Variants in ITGA5 observed in about 807,000 individuals in gnomAD.
ITGA5 encodes integrin subunit alpha 5, also known as integrin alpha-5.
A neutral mutation model predicts 146.3 loss-of-function variants in ITGA5; 55 were observed. The observed-to-expected ratio is 0.38, with a 90% confidence interval of 0.30 to 0.47. The LOEUF (loss-of-function observed/expected upper bound fraction) is 0.47, where lower values mean the gene tolerates loss of function less well. ITGA5 is among the 20% of genes least tolerant of loss of function. ITGA5 has a pLI of 0.99. For synonymous variants in ITGA5, 500 were observed against 531.8 expected, an observed-to-expected ratio of 0.94 and a Z score of 0.82; for missense variants, 1,131 against 1,329.0, an observed-to-expected ratio of 0.85 and a Z score of 2.32.
chr12:54,396,231 T>C lies in ITGA5; in HGVS notation c.*62A>G. Reference sequence around the variant, plus strand: ...TCAAGAAGTACCCAGACCCCTCCTTTTCAGTAGAATGAGGGTGGGGGGACT... The same window carrying C: ...TCAAGAAGTACCCAGACCCCTCCTTCTCAGTAGAATGAGGGTGGGGGGACT... On this transcript the variant is annotated 3_prime_UTR_variant, in exon 30 of 30. Coordinates refer to ENST00000293379, the MANE Select transcript of ITGA5 (RefSeq NM_002205.5). The C allele has an allele frequency of 1.5e-6, 2 of 1,335,370 alleles. No homozygotes were observed. The highest frequency in any genetic ancestry group is 1.1e-6 in the Non-Finnish European group (1 of 928,746). 82.7% of individuals were successfully genotyped at this position (1,335,370 alleles called of 1,614,324 possible). A position where few individuals can be genotyped will look rare whatever the true frequency, so the allele number is the denominator to read the frequency against.
At chr12:54,405,841 G>C (rs751301927) in intron 10 of ITGA5, 29 bp downstream of exon 10, 2 of 1,610,258 alleles carry the variant, frequency 1.2e-6, no homozygotes, top group Non-Finnish European at 1.7e-6. Flanking sequence ...CAGAGGCCAA[G>C]CTGGGGTGGG....
intron 12 of ITGA5, 64 bp from the exon 13 acceptor site, chr12:54,404,958 C>T: frequency 7.4e-7 from 1 of 1,357,730 alleles, no homozygotes; most frequent in Non-Finnish European, 9.9e-7. Flanking sequence ...ATCTCTACTA[C>T]CAGACCCCAG....
In ITGA5 at chr12:54,401,390, C is replaced by A; in HGVS notation, c.2476G>T (p.Val826Phe). 1 of 1,612,438 alleles carries A rather than the reference C, an allele frequency of 6.2e-7. No homozygotes were observed. The highest frequency in any genetic ancestry group is 8.5e-7 in the Non-Finnish European group (1 of 1,178,446). Reference protein sequence around the residue: ...PQKEEDLGPAVHHVYELINQG... With the variant: ...PQKEEDLGPAFHHVYELINQG... ...CCCCTTACCTCATAGACATGGTGGA[C>A]AGCAGGTCCCAGGTCCTCCTCCTTC... The change falls in exon 24 of 30, where the codon GTC becomes TTC. Residue 826 changes from valine to phenylalanine, a missense_variant. Physicochemically the swap from Val to Phe is conservative, Grantham distance 50. Transcript: ENST00000293379. The surrounding 1 kb of genome is among the most constrained non-coding windows in gnomAD (Gnocchi z 5.0).
Position 54,409,461 on chromosome 12 carries a change from C to T in ITGA5, c.462+24G>A, listed in dbSNP as rs747953716. On this transcript the variant is annotated intron_variant, in intron 3 of 29. Coordinates refer to ENST00000293379, the MANE Select transcript of ITGA5 (RefSeq NM_002205.5). This position sits in a 1 kb window ranked among gnomAD's most constrained non-coding sequence, Gnocchi z 4.7. The stretch of plus-strand genomic sequence containing the variant: ...CACTGCCCATCCCCTGGCCACCACA[C>T]CACTGAGCTTGCTGGCCCCTCACCA... 1.9e-6 allele frequency: 3 copies of T among 1,611,490 alleles called. No individual in the cohort carries two copies. In the South Asian group the frequency reaches 3.3e-5, roughly 18 times the overall value.
chr12:54,405,043 G>A (rs1283673911), intron 12 of ITGA5, 123 bp downstream of exon 12: 6 of 1,209,164 alleles, frequency 5.0e-6, no homozygotes, highest in Non-Finnish European at 7.0e-6. Context: ...CAGACAGTGG[G>A]ATTTTAACCC....
At position 54,401,113 on chromosome 12, in the gene ITGA5, A is replaced by C; in HGVS notation, c.2494-118T>G. The C allele has an allele frequency of 9.2e-7, 1 of 1,089,248 alleles. No homozygotes were observed. The highest frequency in any genetic ancestry group is 1.3e-6 in the Non-Finnish European group (1 of 760,954). The allele number at this position is 1,089,248 out of a possible 1,614,324, so 67.5% of individuals were successfully genotyped here. A position where few individuals can be genotyped will look rare whatever the true frequency, so the allele number is the denominator to read the frequency against. On this transcript the variant is annotated intron_variant, in intron 24 of 29. Transcript: ENST00000293379. This position sits in a 1 kb window ranked among gnomAD's most constrained non-coding sequence, Gnocchi z 5.0. ...TGTCAGGCTCCTATCTCAGAGATGAAGCAGGGAAGCAATGGGCAGAGGTGA... is the reference window on the plus strand; with the variant it reads ...TGTCAGGCTCCTATCTCAGAGATGACGCAGGGAAGCAATGGGCAGAGGTGA...
chr12:54,410,151 G>A lies in ITGA5; in HGVS notation c.350-554C>T, dbSNP rs549325563. 4.6e-5 allele frequency among the ~76,000 whole-genome samples: 7 copies of A among 151,544 alleles called. No individual in the cohort carries two copies. The South Asian group carries it at 1.0e-3, about 23-fold the overall frequency. ...ATTACAAGCGTGAGCCACTGCGCCC[G>A]CGTAGAACCTGGGCTTTCTAGAGTT... On this transcript the variant is annotated intron_variant, in intron 2 of 29. Coordinates refer to ENST00000293379, the MANE Select transcript of ITGA5 (RefSeq NM_002205.5).
intron 12 of ITGA5, 98 bp from the exon 13 acceptor site, chr12:54,404,992 A>T: frequency 2.6e-5 from 32 of 1,213,826 alleles, no homozygotes; most frequent in Non-Finnish European, 3.5e-5. Context: ...ATTTTTTCCC[A>T]TCTGTCAGTC....
At position 54,419,090 on chromosome 12, in the gene ITGA5, G is replaced by A. The variant is rs748198005; in HGVS notation, c.109C>T (p.Pro37Ser). 3.8e-6 allele frequency: 6 copies of A among 1,588,698 alleles called. No individual in the cohort carries two copies. The Admixed American group carries it at 5.4e-5, about 14-fold the overall frequency. ...PLLLLLLPPP[P>S]RVGGFNLDAE... is the part of the protein sequence containing the mutation. Reference sequence around the variant, plus strand: ...TCTAAGTTGAAGCCCCCGACCCTGGGTGGCGGCGGCAGCAGCAGCAACAGC... The same window carrying A: ...TCTAAGTTGAAGCCCCCGACCCTGGATGGCGGCGGCAGCAGCAGCAACAGC... The change falls in exon 1 of 30, where the codon CCC (proline) becomes TCC (serine). Residue 37 changes from proline (P) to serine (S), a missense_variant. Coordinates refer to ENST00000293379, the MANE Select transcript of ITGA5 (RefSeq NM_002205.5).
At position 54,408,820 on chromosome 12, in the gene ITGA5, G is replaced by A. The variant is rs1955902882; in HGVS notation, c.646-19C>T. 2 of 1,613,958 alleles carry A rather than the reference G, an allele frequency of 1.2e-6. No individual in the cohort carries two copies. Among genetic ancestry groups the A allele is most frequent in the Non-Finnish European group, 1.7e-6 (2 of 1,179,968 alleles). ...GGCCAGTCTGTGGGTGAAAGGAGGG[G>A]AGTCCAACATCTGGTCCCAATCCCC... On this transcript the variant is annotated intron_variant, in intron 5 of 29. Coordinates refer to ENST00000293379, the MANE Select transcript of ITGA5 (RefSeq NM_002205.5).
chr12:54,404,578 G>C, intron 13 of ITGA5, 103 bp from the exon 14 acceptor site: 3 of 1,502,406 alleles, frequency 2.0e-6, no homozygotes, highest in Non-Finnish European at 2.8e-6. Flanking sequence ...GAAGTGAGAA[G>C]ACAGCGCCCT....
chr12:54,407,878 TG>T lies in ITGA5; in HGVS notation c.818-3del. Reference sequence around the variant, plus strand: ...ATTCACCAACAGCCACAGAGTATCCTGGGGGACAGGGTGGGTGGATGTTAGG... The same window carrying T: ...ATTCACCAACAGCCACAGAGTATCCTGGGGACAGGGTGGGTGGATGTTAGG... On this transcript the variant is annotated splice_region_variant and splice_polypyrimidine_tract_variant and intron_variant, in intron 7 of 29. Transcript: ENST00000293379. 1 of 1,579,390 alleles carries T rather than the reference TG, an allele frequency of 6.3e-7. No individual in the cohort carries two copies. The highest frequency in any genetic ancestry group is 8.6e-7 in the Non-Finnish European group (1 of 1,160,976).
chr12:54,398,609 T>C lies in ITGA5; in HGVS notation c.2931A>G (p.Gln977=), dbSNP rs774947402. The C allele has an allele frequency of 1.2e-6, 2 of 1,611,302 alleles. No homozygotes were observed. Among genetic ancestry groups the C allele is most frequent in the South Asian group, 1.1e-5 (1 of 90,492 alleles). Residue 977 remains glutamine (Q), a synonymous_variant, in exon 28 of 30, where the codon CAA becomes CAG. Coordinates refer to ENST00000293379, the MANE Select transcript of ITGA5 (RefSeq NM_002205.5). ...PYRILPRQLP[Q]KERQVATAVQ... is the part of the protein sequence containing the mutation. ...GCCCTAGACTCACCTGACGCTCTTT[T>C]TGGGGCAGCTGCCGAGGCAGGATTC...
At position 54,395,685 on chromosome 12, in the gene ITGA5, G is replaced by C. The variant is rs1955698184; in HGVS notation, c.*608C>G. ...CCAGGCTGGATCTGGCCCCATTTGA[G>C]TTCTGATTCCCCTTGGAGCTGGGCT... On this transcript the variant is annotated 3_prime_UTR_variant, in exon 30 of 30. Transcript: ENST00000293379. The C allele has an allele frequency of 6.5e-6, 1 of 152,914 alleles. No homozygotes were observed. The highest frequency in any genetic ancestry group is 1.5e-5 in the Non-Finnish European group (1 of 68,414). The allele number at this position is 152,914 out of a possible 1,614,324, so 9.5% of individuals were successfully genotyped here. A position where few individuals can be genotyped will look rare whatever the true frequency, so the allele number is the denominator to read the frequency against.
intron 29 of ITGA5, 165 bp downstream of exon 29, chr12:54,397,200 G>GT: frequency 1.6e-6 from 1 of 615,018 alleles, no homozygotes; most frequent in South Asian, 2.3e-5. Flanking sequence ...ATAGAATGAA[G>GT]GGGGGGATCT....
Position 54,416,634 on chromosome 12 carries a change from G to C in ITGA5, c.218+2347C>G, listed in dbSNP as rs1956010905. On this transcript the variant is annotated intron_variant, in intron 1 of 29. Coordinates refer to ENST00000293379, the MANE Select transcript of ITGA5 (RefSeq NM_002205.5). This position sits in a 1 kb window ranked among gnomAD's most constrained non-coding sequence, Gnocchi z 4.1. Reference sequence around the variant, plus strand: ...GCCCATGTATTGATCACTCTCTGTGGACCAGGTTCCTTTTGTATATGTTTT... The same window carrying C: ...GCCCATGTATTGATCACTCTCTGTGCACCAGGTTCCTTTTGTATATGTTTT... Among the ~76,000 whole-genome samples, 1 of 152,160 alleles carries C rather than the reference G, an allele frequency of 6.6e-6. No homozygotes were observed. Among genetic ancestry groups the C allele is most frequent in the African/African-American group, 2.4e-5 (1 of 41,414 alleles).
rs1485323662 is a variant in ITGA5 at position 54,403,807 on chromosome 12, C to T, written c.1622-28G>A. ...GAAGCCAGGGACATATAAAGGGAAA[C>T]TGCCTGTCTTTCCTCATCTTTTCAG... On this transcript the variant is annotated intron_variant, in intron 16 of 29. Transcript: ENST00000293379. The surrounding 1 kb of genome is among the most constrained non-coding windows in gnomAD (Gnocchi z 4.9). The T allele has an allele frequency of 6.2e-7, 1 of 1,612,048 alleles. No homozygotes were observed. Among genetic ancestry groups the T allele is most frequent in the Non-Finnish European group, 8.5e-7 (1 of 1,178,256 alleles).
At chr12:54,418,847 C>T (rs1318599335) in intron 1 of ITGA5, 134 bp downstream of exon 1, 3 of 1,073,206 alleles carry the variant, frequency 2.8e-6, no homozygotes, top group Non-Finnish European at 3.9e-6. Flanking sequence ...CTAGCCAGGG[C>T]CCCCAACTGC....
intron 27 of ITGA5, 85 bp from the exon 28 acceptor site, chr12:54,398,783 A>T: frequency 1.5e-6 from 1 of 662,534 alleles, no homozygotes; most frequent in East Asian, 4.2e-5. Context: ...TGGGGTTGTG[A>T]TCTTTCCCTA....
Sources: allele counts gnomAD v4.1 joint callset (sites outside exome capture counted in the v4.1 genomes callset), GRCh38; gene constraint gnomAD v4.1.1; non-coding constraint Gnocchi (gnomAD v3.1); transcripts MANE v1.5; gene names NCBI Gene and HGNC (gene_info 2026-07-23, HGNC 2026-07-21).